The following SCN11A variants were observed in gnomAD, a reference collection of about 807,000 sequenced individuals.
The protein encoded by SCN11A is sodium voltage-gated channel alpha subunit 11, also known as sodium channel protein type 11 subunit alpha.
Under a neutral mutation model 162.2 loss-of-function variants are expected in SCN11A, and 122 were observed. The observed-to-expected ratio is 0.75, with a 90% CI of 0.65 to 0.87. The LOEUF (loss-of-function observed/expected upper bound fraction) is 0.87. Among genes scored for constraint, SCN11A ranks in the 40% least tolerant of loss-of-function variants. The pLI is 0.00. For synonymous variants in SCN11A, 758 were observed against 751.5 expected, an observed-to-expected ratio of 1.01 and a Z score of -0.14; for missense variants, 2,015 against 2,181.6, an observed-to-expected ratio of 0.92 and a Z score of 1.52.
At chr3:38,867,121 A>C (rs971592608) in intron 27 of SCN11A, among the ~76,000 whole-genome samples, 200 bp downstream of exon 27, 1 of 152,204 alleles carries the variant, frequency 6.6e-6, no homozygotes, top group Admixed American at 6.5e-5. Flanking sequence ...GTAATGACTT[A>C]ATTAAACCCA....
chr3:38,975,662 T>G (rs1328179627), intron 2 of SCN11A, among the ~76,000 whole-genome samples: 2 of 152,126 alleles, frequency 1.3e-5, no homozygotes, highest in African/African-American at 4.8e-5. Context: ...GAAGGAAATT[T>G]TAGTAAGAAA....
At chr3:38,911,961 C>G (rs879252801) in intron 11 of SCN11A, among the ~76,000 whole-genome samples, 1 of 152,116 alleles carries the variant, frequency 6.6e-6, no homozygotes, top group Non-Finnish European at 1.5e-5. Context: ...TCTTCAGATG[C>G]CTGGTGAGCC....
Position 38,883,335 on chromosome 3 carries a change from C to T in SCN11A, c.3117G>A (p.Trp1039Ter), listed in dbSNP as rs762482704. The change falls in exon 22 of 30, where the codon TGG becomes TGA. Residue 1039 changes from tryptophan to a stop codon, truncating the protein, a stop_gained. Coordinates refer to ENST00000302328, the MANE Select transcript of SCN11A (RefSeq NM_001349253.2). LOFTEE classifies it high-confidence loss of function. ...TTTTCCGCAGGTTCCACCAAATGACCCAGGGAGGCTTTCTCTTGTCCACGC... is the reference window on the plus strand; with the variant it reads ...TTTTCCGCAGGTTCCACCAAATGACTCAGGGAGGCTTTCTCTTGTCCACGC... ...CCSVDKRKPP[W>*]VIWWNLRKTC... 3 of 1,614,004 alleles carry T rather than the reference C, an allele frequency of 1.9e-6. No homozygotes were observed. The highest frequency in any genetic ancestry group is 1.1e-5 in the South Asian group (1 of 91,074).
At chr3:39,026,989 C>T (rs2031605005) in intron 2 of SCN11A, among the ~76,000 whole-genome samples, 1 of 152,088 alleles carries the variant, frequency 6.6e-6, no homozygotes, top group Non-Finnish European at 1.5e-5. Flanking sequence ...CCCTAAAGCC[C>T]CCAGGGGTAG....
At chr3:38,947,335 T>C (rs73828730) in intron 5 of SCN11A, among the ~76,000 whole-genome samples, 2,429 of 152,324 alleles carry the variant, frequency 0.016, 67 homozygotes, top group African/African-American at 0.056. Context: ...GTCTGAGAAA[T>C]GCTGTGTGAA....
intron 28 of SCN11A, among the ~76,000 whole-genome samples, chr3:38,856,818 C>A (rs2064877283): frequency 6.6e-6 from 1 of 152,080 alleles, no homozygotes; most frequent in Admixed American, 6.5e-5. Flanking sequence ...GTGAACTTGC[C>A]AGCACACTAA....
chr3:38,918,124 A>T (rs1348954851), intron 11 of SCN11A, among the ~76,000 whole-genome samples: 2 of 152,178 alleles, frequency 1.3e-5, no homozygotes, highest in Non-Finnish European at 2.9e-5. Context: ...CTTGGGAAAA[A>T]AAAAAAGGAC....
chr3:38,851,999 A>G (rs4541346), intron 28 of SCN11A, among the ~76,000 whole-genome samples: 38,749 of 152,098 alleles, frequency 0.25, 5,083 homozygotes, highest in Middle Eastern at 0.3. Flanking sequence ...GAGAGATGAT[A>G]AGATCTGACC....
chr3:38,963,221 G>C (rs2066753100), intron 2 of SCN11A, among the ~76,000 whole-genome samples: 1 of 148,876 alleles, frequency 6.7e-6, no homozygotes, highest in South Asian at 2.1e-4. Context: ...AGGAAAAGAA[G>C]TCTTTATTAA....
At chr3:39,011,420 CA>C in intron 2 of SCN11A, among the ~76,000 whole-genome samples, 1 of 152,150 alleles carries the variant, frequency 6.6e-6, no homozygotes, top group Non-Finnish European at 1.5e-5. Flanking sequence ...TGTCCTTCTC[CA>C]GGGCCCTCAG....
At chr3:38,957,778 T>C (rs557090284) in intron 3 of SCN11A, among the ~76,000 whole-genome samples, 9 of 152,322 alleles carry the variant, frequency 5.9e-5, no homozygotes, top group African/African-American at 2.2e-4. Context: ...AGGCCTGACC[T>C]CCCATGGTTC....
chr3:38,936,577 A>G (rs1316121549), intron 7 of SCN11A, among the ~76,000 whole-genome samples: 1 of 150,682 alleles, frequency 6.6e-6, no homozygotes, highest in East Asian at 1.9e-4. Flanking sequence ...TACACCAACA[A>G]CAGACAAACA....
chr3:38,975,342 C>T (rs1225424703), intron 2 of SCN11A, among the ~76,000 whole-genome samples: 1 of 152,052 alleles, frequency 6.6e-6, no homozygotes, highest in African/African-American at 2.4e-5. Context: ...AACTCTGACT[C>T]TGAAGTTAAT....
At chr3:38,877,021 GTA>G (rs1553634458) in intron 23 of SCN11A, among the ~76,000 whole-genome samples, 1 of 95,442 alleles carries the variant, frequency 1.0e-5, no homozygotes, top group African/African-American at 4.6e-5. Flanking sequence ...GACATATGGT[GTA>G]TATATATGGT....
intron 28 of SCN11A, among the ~76,000 whole-genome samples, chr3:38,859,096 A>T (rs2064921056): frequency 6.6e-6 from 1 of 152,146 alleles, no homozygotes; most frequent in Non-Finnish European, 1.5e-5. Context: ...AGACAATCTA[A>T]GGTCAGATCT....
At chr3:38,923,853 C>A (rs1005064596) in intron 9 of SCN11A, among the ~76,000 whole-genome samples, 4 of 152,100 alleles carry the variant, frequency 2.6e-5, no homozygotes, top group African/African-American at 9.7e-5. Context: ...AGTTTGATGT[C>A]TGAGAGACAG....
At chr3:39,049,947 T>C (rs1387058717) in intron 1 of SCN11A, among the ~76,000 whole-genome samples, 1 of 152,198 alleles carries the variant, frequency 6.6e-6, no homozygotes, top group East Asian at 1.9e-4. Flanking sequence ...CTTCACTATT[T>C]CAATATTTTT....
At position 38,910,137 on chromosome 3, in the gene SCN11A, T is replaced by C. The variant is rs899453005; in HGVS notation, c.1030A>G (p.Asn344Asp). ...ATGGCAAGAAAAGACCAGCCAAAGT[T>C]GTCAAAATTCGTATAATTATAGTCA... ...NPDYNYTNFDNFGWSFLAMFR... is the reference protein window; with the variant it reads ...NPDYNYTNFDDFGWSFLAMFR... Residue 344 changes from asparagine (N) to aspartate (D), a missense_variant, in exon 12 of 30, where the codon AAC becomes GAC. Coordinates refer to ENST00000302328, the MANE Select transcript of SCN11A (RefSeq NM_001349253.2). 1 of 1,613,810 alleles carries C rather than the reference T, an allele frequency of 6.2e-7. No individual in the cohort carries two copies. The highest frequency in any genetic ancestry group is 1.3e-5 in the African/African-American group (1 of 74,896).
intron 2 of SCN11A, among the ~76,000 whole-genome samples, chr3:38,982,259 T>C (rs1312912994): frequency 6.6e-6 from 1 of 152,210 alleles, no homozygotes; most frequent in Non-Finnish European, 1.5e-5. Context: ...CAGTCCCTGC[T>C]GCCTACTCTG....
Sources: allele counts gnomAD v4.1 joint callset (sites outside exome capture counted in the v4.1 genomes callset), GRCh38; gene constraint gnomAD v4.1.1; transcripts MANE v1.5; gene names NCBI Gene and HGNC (gene_info 2026-07-23, HGNC 2026-07-21).